Variants in WDFY1 observed in about 807,000 individuals in gnomAD.
WDFY1 encodes WD repeat and FYVE domain-containing protein 1.
In WDFY1, 32 loss-of-function variants were observed where a neutral mutation model predicts 56.4. The ratio of observed to expected loss-of-function variants is 0.57; its 90% confidence interval spans 0.43 to 0.76. The LOEUF (loss-of-function observed/expected upper bound fraction) is 0.76. Among genes scored for constraint, WDFY1 ranks in the 30% least tolerant of loss-of-function variants. The pLI, the probability that WDFY1 is intolerant of heterozygous loss-of-function variation, is 0.00. For missense variants in WDFY1, 480 were observed against 545.7 expected (o/e 0.88, Z 1.20); for synonymous variants, 192 against 197.3 (o/e 0.97, Z 0.23).
chr2:223,937,551 T>C (rs775231558), intron 1 of WDFY1, among the ~76,000 whole-genome samples: 4 of 152,214 alleles, frequency 2.6e-5, no homozygotes, highest in Non-Finnish European at 5.9e-5. Flanking sequence ...CAAAACGGAC[T>C]CATGTCCATT....
intron 4 of WDFY1, among the ~76,000 whole-genome samples, chr2:223,904,976 G>T (rs546480202): frequency 6.6e-6 from 1 of 152,348 alleles, no homozygotes; most frequent in East Asian, 1.9e-4. Flanking sequence ...TAGCTTTGTA[G>T]TGAAAAGTGC....
At chr2:223,901,440 C>G (rs1209635592) in intron 4 of WDFY1, 107 bp from the exon 5 acceptor site, 14 of 1,321,616 alleles carry the variant, frequency 1.1e-5, no homozygotes, top group South Asian at 4.3e-5. Flanking sequence ...CAGCTGTGTA[C>G]AAGAGTGTAC....
At chr2:223,916,981 A>C (rs967290988) in intron 2 of WDFY1, among the ~76,000 whole-genome samples, 2 of 151,570 alleles carry the variant, frequency 1.3e-5, no homozygotes, top group Admixed American at 1.3e-4. Context: ...TGCCCGGCTA[A>C]TTTTGTATTT....
intron 8 of WDFY1, among the ~76,000 whole-genome samples, chr2:223,893,279 G>A (rs1693307765): frequency 6.6e-6 from 1 of 151,216 alleles, no homozygotes; most frequent in African/African-American, 2.4e-5. Flanking sequence ...CAATTTGGGA[G>A]ACTGAGGCAG....
intron 8 of WDFY1, among the ~76,000 whole-genome samples, chr2:223,890,799 AC>A (rs1693256977): frequency 1.3e-5 from 2 of 152,130 alleles, no homozygotes; most frequent in Admixed American, 1.3e-4. Flanking sequence ...TCTGTAACCT[AC>A]TAGTTTTAAA....
chr2:223,906,684 T>C (rs185037756), intron 3 of WDFY1, among the ~76,000 whole-genome samples: 50 of 152,000 alleles, frequency 3.3e-4, no homozygotes, highest in African/African-American at 1.0e-3. Context: ...CACACCCAGC[T>C]AAATTTTGTA....
At chr2:223,933,596 G>A (rs1165026467) in intron 1 of WDFY1, among the ~76,000 whole-genome samples, 1 of 151,976 alleles carries the variant, frequency 6.6e-6, no homozygotes, top group Non-Finnish European at 1.5e-5. Flanking sequence ...TGAGGTGGGA[G>A]GATCACTTGA....
Position 223,898,995 on chromosome 2 carries a change from G to C in WDFY1, c.561C>G (p.Asn187Lys). Residue 187 changes from asparagine (N) to lysine (K), a missense_variant, in exon 6 of 12, where the codon AAC becomes AAG. By Grantham distance (94) the Asn-to-Lys change is moderately conservative. Coordinates refer to ENST00000233055, the MANE Select transcript of WDFY1 (RefSeq NM_020830.5). ...TGAGGGTTGTGATGACTGAACACGT[G>C]TTCTGTTCAAGCTTCAGCAGGGTGA... is the stretch of plus-strand genomic sequence containing the variant. ...GQITLLKLEQNTCSVITTLKG... is the reference protein window; with the variant it reads ...GQITLLKLEQKTCSVITTLKG... The C allele has an allele frequency of 6.2e-7, 1 of 1,614,108 alleles. No homozygotes were observed. Among genetic ancestry groups the C allele is most frequent in the South Asian group, 1.1e-5 (1 of 91,076 alleles).
intron 8 of WDFY1, among the ~76,000 whole-genome samples, chr2:223,891,823 C>T (rs633268): frequency 0.93 from 141,611 of 152,246 alleles, 65,928 homozygotes; most frequent in South Asian, 0.96. Flanking sequence ...CTGAGTTTTC[C>T]GCTCTCTCAG....
chr2:223,897,373 TATATATA>T (rs1421088800), intron 6 of WDFY1, among the ~76,000 whole-genome samples: 8,753 of 37,798 alleles, frequency 0.23, 745 homozygotes, highest in Non-Finnish European at 0.35. Context: ...TATATATATA[TATATATA>T]TATATATATA....
intron 2 of WDFY1, among the ~76,000 whole-genome samples, chr2:223,916,030 G>A (rs1693781707): frequency 6.6e-6 from 1 of 152,124 alleles, no homozygotes; most frequent in Non-Finnish European, 1.5e-5. Context: ...ATTATGATCA[G>A]GTTTTCAAGA....
At chr2:223,943,808 G>A (rs74645884) in intron 1 of WDFY1, among the ~76,000 whole-genome samples, 3,972 of 152,224 alleles carry the variant, frequency 0.026, 191 homozygotes, top group African/African-American at 0.09. Flanking sequence ...TTGCATTTCC[G>A]GCTTCACCAG....
At chr2:223,911,566 CCACACACACACA>C (rs58131865) in intron 3 of WDFY1, among the ~76,000 whole-genome samples, 41,786 of 135,930 alleles carry the variant, frequency 0.31, 6,449 homozygotes, top group Non-Finnish European at 0.35. Context: ...AGCTGAATGA[CCACACACACACA>C]CACACACACA....
At position 223,891,382 on chromosome 2, in the gene WDFY1, CA is replaced by C. The variant is rs61587389; in HGVS notation, c.831+2851del. Among the ~76,000 whole-genome samples the C allele has an allele frequency of 2.3e-4, 14 of 60,110 alleles. 1 individual carries two copies. The highest frequency in any genetic ancestry group is 9.2e-4 in the South Asian group (1 of 1,090). 39.4% of individuals were successfully genotyped at this position (60,110 alleles called of 152,430 possible). ...TGAGTGACAGAGCTAGACTCCGTCT[CA>C]AAAAAAAAAAAAGCCCAAAAATCCT... On this transcript the variant is annotated intron_variant, in intron 8 of 11. Transcript: ENST00000233055.
At chr2:223,909,350 C>A (rs545324825) in intron 3 of WDFY1, among the ~76,000 whole-genome samples, 2 of 152,118 alleles carry the variant, frequency 1.3e-5, no homozygotes, top group Admixed American at 1.3e-4. Context: ...TCCCCTCCTC[C>A]CTGGCTGGCC....
At position 223,895,493 on chromosome 2, in the gene WDFY1, T is replaced by C; in HGVS notation, c.725+11A>G. 6.2e-7 allele frequency: 1 copy of C among 1,613,774 alleles called. No individual in the cohort carries two copies. Among genetic ancestry groups the C allele is most frequent in the South Asian group, 1.1e-5 (1 of 91,070 alleles). On this transcript the variant is annotated intron_variant, in intron 7 of 11. Transcript: ENST00000233055. ...CGGATTCTTTCCCCACCCCCACAAGTGGTCACGCACTGATGGCCCTGAAGT... is the reference window on the plus strand; with the variant it reads ...CGGATTCTTTCCCCACCCCCACAAGCGGTCACGCACTGATGGCCCTGAAGT...
chr2:223,903,455 A>C (rs1425099741), intron 4 of WDFY1, among the ~76,000 whole-genome samples: 1 of 151,860 alleles, frequency 6.6e-6, no homozygotes, highest in Admixed American at 6.6e-5. Context: ...CCCAGGAGGC[A>C]GAGGTTGCAG....
intron 8 of WDFY1, among the ~76,000 whole-genome samples, chr2:223,891,943 C>T (rs930296780): frequency 6.6e-6 from 1 of 152,120 alleles, no homozygotes; most frequent in African/African-American, 2.4e-5. Flanking sequence ...TAAATCTTTG[C>T]AAATATAGTA....
chr2:223,880,467 T>C (rs1693047333), intron 10 of WDFY1, among the ~76,000 whole-genome samples: 1 of 151,838 alleles, frequency 6.6e-6, no homozygotes, highest in Non-Finnish European at 1.5e-5. Flanking sequence ...ATTAGCTCTG[T>C]GTGGTGGCAC....
Sources: gnomAD v4.1 joint callset for allele counts (sites outside exome capture counted in the v4.1 genomes callset) on GRCh38, gnomAD v4.1.1 for gene constraint, MANE v1.5 for transcripts, NCBI Gene and HGNC (gene_info 2026-07-23, HGNC 2026-07-21) for gene names.